NEK11: variants seen among roughly 807,000 people sequenced by gnomAD.
The protein encoded by NEK11 is NIMA related kinase 11, also known as serine/threonine-protein kinase Nek11.
A neutral mutation model predicts 80.7 loss-of-function variants in NEK11; 72 were observed. That is an observed-to-expected ratio of 0.89 (90% CI 0.74 to 1.08). The LOEUF is 1.08. NEK11 is among the 50% of genes least tolerant of loss of function. NEK11 has a pLI of 0.00. For synonymous variants in NEK11, 251 were observed against 260.7 expected, an observed-to-expected ratio of 0.96 and a Z score of 0.36; for missense variants, 764 against 763.6, an observed-to-expected ratio of 1.00 and a Z score of -0.01.
At position 131,181,468 on chromosome 3, in the gene NEK11, T is replaced by C. The variant is rs186582113; in HGVS notation, c.1399+10581T>C. 8.8e-3 allele frequency among the ~76,000 whole-genome samples: 1,344 copies of C among 152,146 alleles called. 12 individuals carry two copies. The highest frequency in any genetic ancestry group is 0.013 in the Non-Finnish European group (859 of 68,020). On this transcript the variant is annotated intron_variant, in intron 14 of 17. Coordinates refer to ENST00000383366, the MANE Select transcript of NEK11 (RefSeq NM_024800.5). Reference sequence around the variant, plus strand: ...AACTAAAAGATAACTTTGTGTTGGCTGGGCGCAATGGCTCACGCCTGTAAT... The same window carrying C: ...AACTAAAAGATAACTTTGTGTTGGCCGGGCGCAATGGCTCACGCCTGTAAT...
intron 3 of NEK11, among the ~76,000 whole-genome samples, chr3:131,068,811 A>T: frequency 6.6e-6 from 1 of 152,304 alleles, no homozygotes; most frequent in East Asian, 1.9e-4. Flanking sequence ...ACAAAAATAG[A>T]CTTTTATTTG....
intron 17 of NEK11, among the ~76,000 whole-genome samples, chr3:131,331,418 C>T (rs11919009): frequency 0.017 from 2,541 of 152,262 alleles, 71 homozygotes; most frequent in African/African-American, 0.057. Flanking sequence ...ATCCATTAAA[C>T]CATTAGCAAT....
At chr3:131,189,347 T>A (rs1217082072) in intron 14 of NEK11, among the ~76,000 whole-genome samples, 3 of 152,210 alleles carry the variant, frequency 2.0e-5, no homozygotes, top group Non-Finnish European at 4.4e-5. Flanking sequence ...ATAGACTAGG[T>A]GGCTTATAAA....
chr3:131,297,481 T>A (rs1338303327), intron 17 of NEK11, among the ~76,000 whole-genome samples: 1 of 152,198 alleles, frequency 6.6e-6, no homozygotes, highest in Non-Finnish European at 1.5e-5. Flanking sequence ...TGTCTGTTCA[T>A]GTCCTTCACC....
At chr3:131,193,671 C>T (rs73220512) in intron 14 of NEK11, among the ~76,000 whole-genome samples, 4 of 152,248 alleles carry the variant, frequency 2.6e-5, no homozygotes, top group Non-Finnish European at 5.9e-5. Context: ...TAAAATTCTA[C>T]ATTCTTACTG....
chr3:131,256,577 C>T (rs1330640768), intron 16 of NEK11, among the ~76,000 whole-genome samples: 1 of 152,134 alleles, frequency 6.6e-6, no homozygotes, highest in Non-Finnish European at 1.5e-5. Context: ...TATTGGTCCT[C>T]TATGGATGCA....
intron 4 of NEK11, among the ~76,000 whole-genome samples, chr3:131,086,289 C>A (rs759079642): frequency 6.6e-6 from 1 of 152,106 alleles, no homozygotes; most frequent in African/African-American, 2.4e-5. Context: ...ATTTTAGTCT[C>A]TTTCAGTGAA....
chr3:131,154,872 C>A, intron 9 of NEK11, 164 bp from the exon 10 acceptor site: 1 of 547,768 alleles, frequency 1.8e-6, no homozygotes, highest in African/African-American at 1.9e-5. Context: ...CTTGGAAAAG[C>A]TACATGTAAT....
intron 3 of NEK11, among the ~76,000 whole-genome samples, chr3:131,047,916 G>A (rs1315345021): frequency 6.6e-6 from 1 of 152,150 alleles, no homozygotes; most frequent in Non-Finnish European, 1.5e-5. Context: ...GGTTAGGTGT[G>A]TCTGAGCTCA....
chr3:131,125,114 C>A (rs573443005), intron 5 of NEK11, among the ~76,000 whole-genome samples: 1 of 152,190 alleles, frequency 6.6e-6, no homozygotes, highest in South Asian at 2.1e-4. Flanking sequence ...GTTAAAGAGG[C>A]TAAAGATTAT....
chr3:131,337,903 A>T (rs945986337), intron 17 of NEK11, among the ~76,000 whole-genome samples: 1 of 152,166 alleles, frequency 6.6e-6, no homozygotes, highest in African/African-American at 2.4e-5. Flanking sequence ...GATTGTGTAA[A>T]TAACACATTA....
intron 7 of NEK11, among the ~76,000 whole-genome samples, chr3:131,134,557 C>T (rs571124139): frequency 3.9e-4 from 59 of 152,134 alleles, no homozygotes; most frequent in Non-Finnish European, 7.8e-4. Flanking sequence ...CCCACCACCA[C>T]GCCTGGCTAA....
At chr3:131,069,050 T>C (rs1306922611) in intron 3 of NEK11, among the ~76,000 whole-genome samples, 1 of 152,206 alleles carries the variant, frequency 6.6e-6, no homozygotes, top group Non-Finnish European at 1.5e-5. Context: ...CTTTTGCTAT[T>C]TTGGCTGTCT....
chr3:131,224,689 C>A (rs745849099), intron 14 of NEK11, among the ~76,000 whole-genome samples: 54 of 152,138 alleles, frequency 3.5e-4, no homozygotes, highest in Admixed American at 2.0e-3. Flanking sequence ...CCCTAGAGAC[C>A]TTGTAGTGGG....
intron 9 of NEK11, among the ~76,000 whole-genome samples, chr3:131,153,465 A>G (rs1465529381): frequency 1.3e-5 from 2 of 152,208 alleles, no homozygotes; most frequent in African/African-American, 4.8e-5. Flanking sequence ...AGGTATTAAG[A>G]AAGCAGAAAA....
At chr3:131,200,369 A>T (rs1479673999) in intron 14 of NEK11, among the ~76,000 whole-genome samples, 1 of 152,180 alleles carries the variant, frequency 6.6e-6, no homozygotes, top group Admixed American at 6.5e-5. Flanking sequence ...AAGACAAATT[A>T]TGCTTCCATT....
intron 17 of NEK11, among the ~76,000 whole-genome samples, chr3:131,297,533 GTTTGAGT>G: frequency 6.6e-6 from 1 of 152,134 alleles, no homozygotes; most frequent in Admixed American, 6.5e-5. Context: ...TTGTAAATTT[GTTTGAGT>G]TCATTGTAGA....
At chr3:131,130,749 A>G (rs1319955936) in intron 5 of NEK11, among the ~76,000 whole-genome samples, 4 of 152,168 alleles carry the variant, frequency 2.6e-5, no homozygotes, top group Admixed American at 2.0e-4. Flanking sequence ...TTGCATACCT[A>G]GTATAAATCC....
chr3:131,152,079 A>G (rs974493767), intron 7 of NEK11, among the ~76,000 whole-genome samples: 1 of 152,326 alleles, frequency 6.6e-6, no homozygotes, highest in East Asian at 1.9e-4. Flanking sequence ...AAATCCTTAC[A>G]TTAATCAAAT....
Sources: allele counts gnomAD v4.1 joint callset (sites outside exome capture counted in the v4.1 genomes callset), GRCh38; gene constraint gnomAD v4.1.1; transcripts MANE v1.5; gene names NCBI Gene and HGNC (gene_info 2026-07-23, HGNC 2026-07-21).